Variants in SATB1 observed in about 807,000 individuals in gnomAD.
SATB1 encodes DNA-binding protein SATB1.
In SATB1, 11 loss-of-function variants were observed where a neutral mutation model predicts 86.9. The observed-to-expected ratio is 0.13, with a 90% CI of 0.08 to 0.21. The LOEUF (loss-of-function observed/expected upper bound fraction) is 0.21, where lower values mean the gene tolerates loss of function less well. Ranked by LOEUF, SATB1 falls within the 10% of genes least tolerant of loss-of-function variation. The pLI is 1.00. For synonymous variants in SATB1, 357 were observed against 357.2 expected, an observed-to-expected ratio of 1.00 and a Z score of 0.01; for missense variants, 551 against 937.6, an observed-to-expected ratio of 0.59 and a Z score of 5.39.
At position 18,359,883 on chromosome 3, in the gene SATB1, AT is replaced by A. The variant is rs777008439; in HGVS notation, c.1576-7689del. ...ATCAGTTTTCGTGTCTCTTTCTATC[AT>A]TAAGAACCATCCACTCCTTTCCATT... On this transcript the variant is annotated intron_variant, in intron 9 of 10. Coordinates refer to ENST00000338745, the MANE Select transcript of SATB1 (RefSeq NM_002971.6). Among the ~76,000 whole-genome samples the A allele has an allele frequency of 9.8e-4, 149 of 151,736 alleles. 2 individuals are homozygous for A. The highest frequency in any genetic ancestry group is 3.3e-3 in the African/African-American group (137 of 41,390).
chr3:18,354,544 A>T (rs558286879), intron 9 of SATB1, among the ~76,000 whole-genome samples: 2 of 151,790 alleles, frequency 1.3e-5, no homozygotes, highest in South Asian at 4.2e-4. Context: ...GCATCCAAGA[A>T]TTTTTTTTTA....
intron 8 of SATB1, among the ~76,000 whole-genome samples, chr3:18,381,862 C>G (rs1696081134): frequency 6.6e-6 from 1 of 152,082 alleles, no homozygotes. Context: ...TATATTAACA[C>G]TGTCTTTAGC....
At chr3:18,409,160 T>C (rs1043572619) in intron 5 of SATB1, 11 of 152,028 alleles carry the variant, frequency 7.2e-5, no homozygotes, top group African/African-American at 2.7e-4. Context: ...GCTTAAACTC[T>C]TTTATGTTTT....
At chr3:18,397,677 T>C (rs1054881636) in intron 5 of SATB1, among the ~76,000 whole-genome samples, 1 of 152,224 alleles carries the variant, frequency 6.6e-6, no homozygotes, top group African/African-American at 2.4e-5. Flanking sequence ...GACTGGACTC[T>C]ACATCTTTTC....
At position 18,423,738 on chromosome 3, in the gene SATB1, T is replaced by A. The variant is rs1324144620; in HGVS notation, c.-136A>T. On this transcript the variant is annotated 5_prime_UTR_variant, in exon 1 of 11. Coordinates refer to ENST00000338745, the MANE Select transcript of SATB1 (RefSeq NM_002971.6). ...ATGTTTTCTATGTCCTTTTTTTTTTTAATTAAAAAAAAAAAAATAAAAAAG... is the reference window on the plus strand; with the variant it reads ...ATGTTTTCTATGTCCTTTTTTTTTTAAATTAAAAAAAAAAAAATAAAAAAG... 3.6e-5 allele frequency: 3 copies of A among 83,344 alleles called. No individual in the cohort carries two copies. Among genetic ancestry groups the A allele is most frequent in the Non-Finnish European group, 7.2e-5 (3 of 41,506 alleles). 5.2% of individuals were successfully genotyped at this position (83,344 alleles called of 1,614,324 possible). A position where few individuals can be genotyped will look rare whatever the true frequency, so the allele number is the denominator to read the frequency against.
At chr3:18,356,768 G>A (rs1694665870) in intron 9 of SATB1, among the ~76,000 whole-genome samples, 1 of 151,824 alleles carries the variant, frequency 6.6e-6, no homozygotes, top group South Asian at 2.1e-4. Flanking sequence ...AGGAAGGGGT[G>A]CACAATGATT....
At chr3:18,359,690 T>A (rs959530722) in intron 9 of SATB1, among the ~76,000 whole-genome samples, 1 of 152,020 alleles carries the variant, frequency 6.6e-6, no homozygotes, top group Admixed American at 6.6e-5. Flanking sequence ...GCCTAAGATA[T>A]ATTTTTGACA....
At chr3:18,356,843 A>G (rs1004974747) in intron 9 of SATB1, among the ~76,000 whole-genome samples, 3 of 151,904 alleles carry the variant, frequency 2.0e-5, no homozygotes, top group African/African-American at 7.2e-5. Flanking sequence ...AAAGCCTCAC[A>G]TGCATAGAAT....
intron 5 of SATB1, among the ~76,000 whole-genome samples, chr3:18,407,329 T>G (rs1399067598): frequency 1.3e-5 from 2 of 152,068 alleles, no homozygotes; most frequent in African/African-American, 2.4e-5. Flanking sequence ...GAGATTGAGT[T>G]ATAATATAGT....
Position 18,346,861 on chromosome 3 carries a change from C to T in SATB1, c.*2309G>A, listed in dbSNP as rs1182964100. 1 of 152,038 alleles carries T rather than the reference C, an allele frequency of 6.6e-6. No homozygotes were observed. 9.4% of individuals were successfully genotyped at this position (152,038 alleles called of 1,614,324 possible). A position where few individuals can be genotyped will look rare whatever the true frequency, so the allele number is the denominator to read the frequency against. On this transcript the variant is annotated 3_prime_UTR_variant, in exon 11 of 11. Coordinates refer to ENST00000338745, the MANE Select transcript of SATB1 (RefSeq NM_002971.6). ...GGCATTTGAGTTTCTATTTTATTTC[C>T]TATTTTTTAAATACATGAAACCTAG...
chr3:18,364,262 AT>A (rs1202025158), intron 9 of SATB1, among the ~76,000 whole-genome samples: 1 of 152,218 alleles, frequency 6.6e-6, no homozygotes, highest in Non-Finnish European at 1.5e-5. Context: ...AATAAAATAC[AT>A]AAGATTACAA....
In SATB1 at chr3:18,352,416, G is replaced by A; in HGVS notation, c.1576-221C>T. On this transcript the variant is annotated intron_variant, in intron 9 of 10. Coordinates refer to ENST00000338745, the MANE Select transcript of SATB1 (RefSeq NM_002971.6). The surrounding 1 kb of genome is among the most constrained non-coding windows in gnomAD (Gnocchi z 4.1). ...TCAAAGTTCAGATTTGCATCTCAAA[G>A]GAGGGACATATTTTTTCAGACTCTG... 1.9e-6 allele frequency: 1 copy of A among 514,660 alleles called. No homozygotes were observed. The highest frequency in any genetic ancestry group is 3.5e-6 in the Non-Finnish European group (1 of 286,620). 31.9% of individuals were successfully genotyped at this position (514,660 alleles called of 1,614,324 possible).
chr3:18,434,232 T>C (rs1039464348), intron 2 of SATB1, among the ~76,000 whole-genome samples: 2 of 152,046 alleles, frequency 1.3e-5, no homozygotes, highest in Non-Finnish European at 2.9e-5. Flanking sequence ...CAAAGGGGTT[T>C]TGTCACTAAA....
chr3:18,417,001 C>G lies in SATB1; in HGVS notation c.289G>C (p.Glu97Gln). 1 of 1,613,710 alleles carries G rather than the reference C, an allele frequency of 6.2e-7. No individual in the cohort carries two copies. The highest frequency in any genetic ancestry group is 8.5e-7 in the Non-Finnish European group (1 of 1,179,704). Residue 97 changes from glutamate to glutamine, a missense_variant, in exon 3 of 11, where the codon GAA (glutamate) becomes CAA (glutamine). Around this residue, in one of 8 missense-constraint regions of SATB1, gnomAD observed 153 missense variants for 258.1 expected, o/e 0.59. Coordinates refer to ENST00000338745, the MANE Select transcript of SATB1 (RefSeq NM_002971.6). ...ATATCCTTTCTCACCAGCACAAATT[C>G]TGCATGCTCCTCCTTGCAATCATAT... ...IEYDCKEEHA[E>Q]FVLVRKDMLF...
intron 7 of SATB1, among the ~76,000 whole-genome samples, chr3:18,389,663 CCTTA>C (rs1346591265): frequency 2.6e-5 from 4 of 151,962 alleles, no homozygotes; most frequent in African/African-American, 9.7e-5. Context: ...CCATCATGTA[CCTTA>C]TTTATGTCAT....
At chr3:18,382,387 A>G (rs961874333) in intron 8 of SATB1, among the ~76,000 whole-genome samples, 2 of 152,214 alleles carry the variant, frequency 1.3e-5, no homozygotes, top group African/African-American at 4.8e-5. Context: ...ACAAACTGCT[A>G]AATTAATTTA....
chr3:18,422,174 T>A (rs1357613236), intron 1 of SATB1, among the ~76,000 whole-genome samples: 2 of 152,170 alleles, frequency 1.3e-5, no homozygotes, highest in Non-Finnish European at 2.9e-5. Context: ...CCAGAGAGAA[T>A]AATTACCATT....
chr3:18,422,621 AGAT>A (rs1698446580), intron 1 of SATB1, among the ~76,000 whole-genome samples: 1 of 152,218 alleles, frequency 6.6e-6, no homozygotes, highest in African/African-American at 2.4e-5. Context: ...AATTAGAAAG[AGAT>A]GATTATTAAC....
At chr3:18,415,912 TA>T (rs964293258) in intron 4 of SATB1, 94 bp downstream of exon 4, 918 of 1,195,916 alleles carry the variant, frequency 7.7e-4, no homozygotes, top group South Asian at 9.9e-4. Context: ...AAACACAGAC[TA>T]AAAAAAAATT....
Sources: allele counts gnomAD v4.1 joint callset (sites outside exome capture counted in the v4.1 genomes callset), GRCh38; gene constraint gnomAD v4.1.1; regional missense constraint gnomAD v4.1.1; non-coding constraint Gnocchi (gnomAD v3.1); transcripts MANE v1.5; gene names NCBI Gene and HGNC (gene_info 2026-07-23, HGNC 2026-07-21).